Variants in MYO16 observed in about 807,000 individuals in gnomAD.
The protein encoded by MYO16 is myosin XVI.
In MYO16, 94 loss-of-function variants were observed where a neutral mutation model predicts 205.3. That is an observed-to-expected ratio of 0.46 (90% CI 0.39 to 0.54). The LOEUF is 0.54. Among genes scored for constraint, MYO16 ranks in the 20% least tolerant of loss-of-function variants. MYO16 has a pLI of 0.00. For synonymous variants in MYO16, 988 were observed against 954.0 expected, an observed-to-expected ratio of 1.04 and a Z score of -0.66; for missense variants, 2,315 against 2,387.5, an observed-to-expected ratio of 0.97 and a Z score of 0.63.
At chr13:109,160,026 A>G (rs567976978) in intron 32 of MYO16, among the ~76,000 whole-genome samples, 1 of 152,306 alleles carries the variant, frequency 6.6e-6, no homozygotes, top group Admixed American at 6.5e-5. Flanking sequence ...TACAATGGAC[A>G]TTCTGAGCTG....
intron 34 of MYO16, among the ~76,000 whole-genome samples, chr13:109,184,812 G>A (rs983114074): frequency 2.7e-5 from 4 of 149,658 alleles, no homozygotes; most frequent in Admixed American, 1.3e-4. Context: ...TCTGTTGCCC[G>A]GGCTGGAGTG....
chr13:108,762,367 G>C (rs1885638182), intron 4 of MYO16, among the ~76,000 whole-genome samples: 1 of 152,090 alleles, frequency 6.6e-6, no homozygotes, highest in Non-Finnish European at 1.5e-5. Flanking sequence ...CCAAGTAGTG[G>C]GATTTTTGGA....
chr13:108,584,315 A>G, the MYO16 span, among the ~76,000 whole-genome samples: 1 of 152,112 alleles, frequency 6.6e-6, no homozygotes, highest in African/African-American at 2.4e-5. Context: ...ATTGTCTATG[A>G]TTTCTGGTCA....
intron 27 of MYO16, among the ~76,000 whole-genome samples, chr13:109,079,111 A>G (rs990562381): frequency 2.0e-5 from 3 of 152,152 alleles, no homozygotes; most frequent in African/African-American, 7.2e-5. Context: ...AGAGATCTCC[A>G]GATTTCACTT....
intron 2 of MYO16, among the ~76,000 whole-genome samples, chr13:108,677,434 A>G (rs1882279678): frequency 1.3e-5 from 2 of 150,072 alleles, no homozygotes; most frequent in South Asian, 2.1e-4. Flanking sequence ...ATGTGTGTAT[A>G]TATAGGTACA....
intron 21 of MYO16, among the ~76,000 whole-genome samples, chr13:108,995,709 G>A (rs1015350879): frequency 2.6e-5 from 4 of 151,994 alleles, no homozygotes; most frequent in Non-Finnish European, 5.9e-5. Context: ...TTGTCCTTGC[G>A]ATGGTTTGCT....
chr13:108,948,960 G>T (rs575388079), intron 16 of MYO16, among the ~76,000 whole-genome samples: 2 of 152,312 alleles, frequency 1.3e-5, no homozygotes, highest in Admixed American at 6.5e-5. Context: ...CATAGCATCA[G>T]CCTGCTCTTT....
intron 6 of MYO16, 130 bp downstream of exon 6, chr13:108,793,770 A>T: frequency 9.0e-7 from 1 of 1,109,906 alleles, no homozygotes; most frequent in Non-Finnish European, 1.2e-6. Flanking sequence ...CAATTGTAGA[A>T]GTTTTGGAAA....
Position 108,654,145 on chromosome 13 carries a change from A to G in MYO16, c.29-11741A>G, listed in dbSNP as rs547744590. Among the ~76,000 whole-genome samples, 7 of 152,076 alleles carry G rather than the reference A, an allele frequency of 4.6e-5. No homozygotes were observed. The South Asian group carries it at 1.2e-3, about 27-fold the overall frequency. ...CTAGGAGGCTGAGGCTGACAGGGCA[A>G]TTGTCTAGAGGAGGGGACAGCTGTG... On this transcript the variant is annotated intron_variant, in intron 1 of 34. Transcript: ENST00000457511.
chr13:108,696,108 G>A (rs1037551116), intron 2 of MYO16, among the ~76,000 whole-genome samples: 2 of 152,204 alleles, frequency 1.3e-5, no homozygotes, highest in African/African-American at 2.4e-5. Flanking sequence ...CTGTGAACGT[G>A]TAGCAGCTGA....
chr13:108,952,609 T>TA (rs1321516049), intron 16 of MYO16, among the ~76,000 whole-genome samples: 1 of 152,228 alleles, frequency 6.6e-6, no homozygotes, highest in East Asian at 1.9e-4. Context: ...CTGTAGTTTT[T>TA]ATTCCTCTAT....
chr13:108,802,814 A>G (rs1214967784), intron 6 of MYO16, among the ~76,000 whole-genome samples: 3 of 152,152 alleles, frequency 2.0e-5, no homozygotes, highest in South Asian at 2.1e-4. Context: ...GCAGCACCCT[A>G]ATGATTAGTA....
intron 2 of MYO16, among the ~76,000 whole-genome samples, chr13:108,696,408 G>GGAA (rs2139507709): frequency 6.6e-6 from 1 of 152,228 alleles, no homozygotes; most frequent in South Asian, 2.1e-4. Flanking sequence ...AGCCAAAAGA[G>GGAA]GAAGACAAAC....
chr13:108,552,717 T>C, the MYO16 span, among the ~76,000 whole-genome samples: 4 of 152,204 alleles, frequency 2.6e-5, no homozygotes, highest in African/African-American at 9.6e-5. Flanking sequence ...CTGTTATATC[T>C]GTCTCAGTCT....
intron 20 of MYO16, among the ~76,000 whole-genome samples, chr13:108,985,525 T>A (rs1236487636): frequency 6.6e-6 from 1 of 152,212 alleles, no homozygotes; most frequent in Non-Finnish European, 1.5e-5. Flanking sequence ...AGACCAGATA[T>A]AACTCTTAAC....
At chr13:109,165,593 C>T (rs763759264) in intron 33 of MYO16, among the ~76,000 whole-genome samples, 1 of 152,152 alleles carries the variant, frequency 6.6e-6, no homozygotes, top group African/African-American at 2.4e-5. Flanking sequence ...ACCAACTATT[C>T]CTGAGGGCCT....
intron 2 of MYO16, among the ~76,000 whole-genome samples, chr13:108,682,716 G>C (rs1310737216): frequency 6.6e-6 from 1 of 152,112 alleles, no homozygotes; most frequent in East Asian, 1.9e-4. Context: ...CAGTGATGTG[G>C]GCAGAGCCTT....
intron 17 of MYO16, among the ~76,000 whole-genome samples, chr13:108,959,943 C>T (rs1883517578): frequency 1.3e-5 from 2 of 149,596 alleles, no homozygotes; most frequent in South Asian, 2.1e-4. Context: ...TTGTAGGTAC[C>T]GGAACCTTTC....
At chr13:109,044,711 A>G (rs1395060384) in intron 23 of MYO16, among the ~76,000 whole-genome samples, 1 of 152,180 alleles carries the variant, frequency 6.6e-6, no homozygotes, top group African/African-American at 2.4e-5. Context: ...GTAACCCCTT[A>G]TACTTCAAAT....
Sources: gnomAD v4.1 joint callset for allele counts (sites outside exome capture counted in the v4.1 genomes callset) on GRCh38, gnomAD v4.1.1 for gene constraint, MANE v1.5 for transcripts, NCBI Gene and HGNC (gene_info 2026-07-23, HGNC 2026-07-21) for gene names.